MYCT1: variants seen among roughly 807,000 people sequenced by gnomAD.
The protein encoded by MYCT1 is MYC target 1, also known as myc target protein 1.
Under a neutral mutation model 15.0 loss-of-function variants are expected in MYCT1, and 12 were observed. The ratio of observed to expected loss-of-function variants is 0.80; its 90% confidence interval spans 0.51 to 1.29. The LOEUF is 1.29. Ranked by LOEUF, MYCT1 falls within the 50% of genes most tolerant of loss-of-function variation. The probability of loss-of-function intolerance (pLI) is 0.00; values close to 1 mark genes in which losing one functional copy is unlikely to be tolerated. For missense variants in MYCT1, 287 were observed against 279.1 expected, an observed-to-expected ratio of 1.03 and a Z score of -0.20; for synonymous variants, 104 against 102.7, an observed-to-expected ratio of 1.01 and a Z score of -0.07.
At chr6:152,724,960 A>G (rs1186484037), downstream of MYCT1, among the ~76,000 whole-genome samples, 1 of 151,958 alleles carries the variant, frequency 6.6e-6, no homozygotes, top group African/African-American at 2.4e-5. Context: ...TTATTTAATT[A>G]TTTTATTTAG....
At chr6:152,737,460 T>C in the MYCT1 span, among the ~76,000 whole-genome samples, 4 of 152,036 alleles carry the variant, frequency 2.6e-5, no homozygotes, top group African/African-American at 9.7e-5. Context: ...TAAGGTCTTA[T>C]ACTGTATTTA....
chr6:152,735,286 A>C, the MYCT1 span, among the ~76,000 whole-genome samples: 1 of 152,152 alleles, frequency 6.6e-6, no homozygotes, highest in Non-Finnish European at 1.5e-5. Flanking sequence ...ATAAATAGAT[A>C]AACTTTTTGG....
Position 152,722,346 on chromosome 6 carries a change from C to A in MYCT1, c.*93C>A. On this transcript the variant is annotated 3_prime_UTR_variant, in exon 2 of 2. Transcript: ENST00000367245. ...CTAAACAGAATTTTGAGGGCATGGC[C>A]CAAATAACTCATGAGTTCCAAGTTG... The A allele has an allele frequency of 1.6e-6, 2 of 1,276,518 alleles. No homozygotes were observed. The highest frequency in any genetic ancestry group is 1.1e-6 in the Non-Finnish European group (1 of 935,134). The allele number at this position is 1,276,518 out of a possible 1,614,324, so 79.1% of individuals were successfully genotyped here. A position where few individuals can be genotyped will look rare whatever the true frequency, so the allele number is the denominator to read the frequency against.
At chr6:152,735,040 G>A in the MYCT1 span, among the ~76,000 whole-genome samples, 2 of 152,294 alleles carry the variant, frequency 1.3e-5, no homozygotes, top group East Asian at 3.9e-4. Context: ...GCTGCTGAAA[G>A]AAGGTTTCTA....
chr6:152,726,493 T>C (rs752495748), downstream of MYCT1, among the ~76,000 whole-genome samples: 23 of 151,842 alleles, frequency 1.5e-4, no homozygotes, highest in Non-Finnish European at 2.5e-4. Flanking sequence ...GTGGGACCCA[T>C]GCCTCATGGG....
chr6:152,702,958 A>C (rs754544473), intron 1 of MYCT1, among the ~76,000 whole-genome samples: 1 of 152,216 alleles, frequency 6.6e-6, no homozygotes, highest in Non-Finnish European at 1.5e-5. Flanking sequence ...GATGGAACCC[A>C]TAAGACTGGA....
In MYCT1 at chr6:152,698,105, T is replaced by C. The variant is rs769350733; in HGVS notation, c.196+7T>C. 7 of 1,517,392 alleles carry C rather than the reference T, an allele frequency of 4.6e-6. No homozygotes were observed. The highest frequency in any genetic ancestry group is 2.9e-5 in the African/African-American group (2 of 70,086). 94.0% of individuals were successfully genotyped at this position (1,517,392 alleles called of 1,614,324 possible). ...TGGCCAGAAAACTTTTGGGGTAAGG[T>C]ATTTTCTTTTACTGTTTAAAATTTA... On this transcript the variant is annotated splice_region_variant and intron_variant, in intron 1 of 1. Transcript: ENST00000367245.
intron 1 of MYCT1, 44 bp from the exon 2 acceptor site, chr6:152,721,698 A>G (rs763819599): frequency 1.3e-6 from 2 of 1,560,892 alleles, no homozygotes; most frequent in South Asian, 2.4e-5. Flanking sequence ...TTAGTTGAAA[A>G]CCTATTTAAA....
rs573898870 is a variant in MYCT1 at position 152,708,860 on chromosome 6, A to AT, written c.196+10773dup. 5.7e-4 allele frequency among the ~76,000 whole-genome samples: 40 copies of AT among 70,350 alleles called. 15 individuals carry two copies. The highest frequency in any genetic ancestry group is 2.5e-3 in the South Asian group (5 of 1,990). 46.2% of individuals were successfully genotyped at this position (70,350 alleles called of 152,430 possible). A position where few individuals can be genotyped will look rare whatever the true frequency, so the allele number is the denominator to read the frequency against. ...CACCTGAAAGAGTATTTATTTTTTT[A>AT]TTTTTTTTTTTATTATACTCTAAGT... On this transcript the variant is annotated intron_variant, in intron 1 of 1. Transcript: ENST00000367245.
the MYCT1 span, among the ~76,000 whole-genome samples, chr6:152,745,592 C>T: frequency 6.6e-6 from 1 of 152,102 alleles, no homozygotes; most frequent in Non-Finnish European, 1.5e-5. Context: ...GATTTGTCTC[C>T]TCTTTTCCCT....
At chr6:152,709,352 T>C (rs1191152751) in intron 1 of MYCT1, among the ~76,000 whole-genome samples, 11 of 24,880 alleles carry the variant, frequency 4.4e-4, no homozygotes, top group African/African-American at 1.2e-3. Flanking sequence ...CAGCATGATT[T>C]ATACTCATTT....
the MYCT1 span, among the ~76,000 whole-genome samples, chr6:152,730,728 A>C: frequency 6.6e-6 from 1 of 152,202 alleles, no homozygotes; most frequent in African/African-American, 2.4e-5. Context: ...ACTAGATACC[A>C]CAATCACCTT....
At chr6:152,731,230 G>A in the MYCT1 span, among the ~76,000 whole-genome samples, 1 of 147,808 alleles carries the variant, frequency 6.8e-6, no homozygotes, top group East Asian at 2.0e-4. Context: ...TGAAAAAAAA[G>A]TCGGGCAAGA....
chr6:152,729,777 T>A, the MYCT1 span, among the ~76,000 whole-genome samples: 18 of 152,140 alleles, frequency 1.2e-4, no homozygotes, highest in Non-Finnish European at 2.4e-4. Flanking sequence ...ACACCACAGG[T>A]GCTCAACAGA....
chr6:152,703,104 C>G (rs1469496396), intron 1 of MYCT1, among the ~76,000 whole-genome samples: 2 of 152,124 alleles, frequency 1.3e-5, no homozygotes, highest in Admixed American at 1.3e-4. Flanking sequence ...GGGACGTTTT[C>G]CCTACTTTTC....
chr6:152,717,626 T>A (rs2099723915), intron 1 of MYCT1, among the ~76,000 whole-genome samples: 2 of 152,132 alleles, frequency 1.3e-5, no homozygotes, highest in Non-Finnish European at 2.9e-5. Flanking sequence ...GGCTTGCTCC[T>A]GCTTGTCTTC....
At chr6:152,706,019 A>C in intron 1 of MYCT1, 3 of 996,936 alleles carry the variant, frequency 3.0e-6, no homozygotes, top group Non-Finnish European at 4.8e-6. Flanking sequence ...TGGCCTCTCC[A>C]TTAACTACAG....
chr6:152,736,245 A>G, the MYCT1 span, among the ~76,000 whole-genome samples: 1 of 152,184 alleles, frequency 6.6e-6, no homozygotes, highest in East Asian at 1.9e-4. Flanking sequence ...TCCTAACAAT[A>G]TTTGAATTTT....
chr6:152,715,141 A>G (rs1344435993), intron 1 of MYCT1, among the ~76,000 whole-genome samples: 1 of 152,064 alleles, frequency 6.6e-6, no homozygotes, highest in Non-Finnish European at 1.5e-5. Context: ...GTGATGAAAG[A>G]TTTTCTTTTC....
Sources: allele counts gnomAD v4.1 joint callset (sites outside exome capture counted in the v4.1 genomes callset), GRCh38; gene constraint gnomAD v4.1.1; transcripts MANE v1.5; gene names NCBI Gene and HGNC (gene_info 2026-07-23, HGNC 2026-07-21).